TOP2A: variants seen among roughly 807,000 people sequenced by gnomAD.
TOP2A encodes the protein DNA topoisomerase 2-alpha.
TOP2A carries 68 observed loss-of-function variants against 187.2 expected under a neutral mutation model. The observed-to-expected ratio is 0.36, with a 90% CI of 0.30 to 0.44. TOP2A has a LOEUF of 0.44. TOP2A is among the 20% of genes least tolerant of loss of function. TOP2A has a pLI of 1.00. For synonymous variants in TOP2A, 542 were observed against 593.2 expected, an observed-to-expected ratio of 0.91 and a Z score of 1.25; for missense variants, 1,196 against 1,808.7, an observed-to-expected ratio of 0.66 and a Z score of 6.14.
chr17:40,395,364 T>C (rs1350916810), intron 29 of TOP2A, 85 bp downstream of exon 29: 6 of 757,266 alleles, frequency 7.9e-6, no homozygotes, highest in Non-Finnish European at 8.2e-6. Flanking sequence ...AACAAAAAGG[T>C]TTTGAACATC....
At chr17:40,410,319 C>G (rs949166972) in intron 10 of TOP2A, among the ~76,000 whole-genome samples, 1 of 152,072 alleles carries the variant, frequency 6.6e-6, no homozygotes, top group Non-Finnish European at 1.5e-5. Context: ...GGGAAGAGCA[C>G]TGTGCTTTTC....
chr17:40,411,925 G>A lies in TOP2A; in HGVS notation c.790-107C>T. 1 of 922,786 alleles carries A rather than the reference G, an allele frequency of 1.1e-6. No individual in the cohort carries two copies. Among genetic ancestry groups the A allele is most frequent in the Non-Finnish European group, 1.6e-6 (1 of 635,178 alleles). 57.2% of individuals were successfully genotyped at this position (922,786 alleles called of 1,614,324 possible). On this transcript the variant is annotated intron_variant, in intron 7 of 34. Transcript: ENST00000423485. The surrounding 1 kb of genome is among the most constrained non-coding windows in gnomAD (Gnocchi z 4.4). The stretch of plus-strand genomic sequence containing the variant: ...CCAATGCAATGATGTTCACTGATAG[G>A]CATAAGGGAATGGTCATTAAAGGAC...
At chr17:40,398,493 G>GTA (rs2035131391) in intron 27 of TOP2A, 65 bp downstream of exon 27, 2 of 1,342,084 alleles carry the variant, frequency 1.5e-6, no homozygotes, top group Non-Finnish European at 2.0e-6. Context: ...CTTGACAAAG[G>GTA]TATACTGCTG....
chr17:40,412,985 G>A lies in TOP2A; in HGVS notation c.577-14C>T. On this transcript the variant is annotated splice_polypyrimidine_tract_variant and intron_variant, in intron 6 of 34. Coordinates refer to ENST00000423485, the MANE Select transcript of TOP2A (RefSeq NM_001067.4). ...ATCCATCCATGTCTATGGAAGTAAA[G>A]AATAGGAAACATGAAAAATTCAAGT... The A allele has an allele frequency of 6.3e-7, 1 of 1,591,572 alleles. No individual in the cohort carries two copies. The highest frequency in any genetic ancestry group is 2.2e-5 in the East Asian group (1 of 44,676).
intron 16 of TOP2A, 70 bp downstream of exon 16, chr17:40,406,314 T>C: frequency 2.6e-6 from 3 of 1,133,918 alleles, no homozygotes; most frequent in Non-Finnish European, 3.7e-6. Context: ...TACAAAAATG[T>C]AAATGTTTCA....
At position 40,404,470 on chromosome 17, in the gene TOP2A, T is replaced by C. The variant is rs777799472; in HGVS notation, c.2068A>G (p.Thr690Ala). Reference protein sequence around the residue: ...LPEDYLYGQTTTYLTYNDFIN... With the variant: ...LPEDYLYGQTATYLTYNDFIN... ...AAGTCATTATATGTCAGATATGTGG[T>C]AGTTTGTCCATACAAGTAATCCTGA... The change falls in exon 18 of 35, where the codon ACC (threonine) becomes GCC (alanine). Residue 690 changes from threonine (T) to alanine (A), a missense_variant. This residue lies in a region of TOP2A where 209 missense variants were observed against 376.9 expected (regional missense o/e 0.55). Coordinates refer to ENST00000423485, the MANE Select transcript of TOP2A (RefSeq NM_001067.4). 1.2e-5 allele frequency: 20 copies of C among 1,607,410 alleles called. No individual in the cohort carries two copies. Among genetic ancestry groups the C allele is most frequent in the African/African-American group, 4.0e-5 (3 of 74,720 alleles).
In TOP2A at chr17:40,404,464, A is replaced by T. The variant is rs1329483854; in HGVS notation, c.2074T>A (p.Tyr692Asn). 6.2e-6 allele frequency: 10 copies of T among 1,609,570 alleles called. No homozygotes were observed. Among genetic ancestry groups the T allele is most frequent in the Non-Finnish European group, 8.5e-6 (10 of 1,176,532 alleles). Residue 692 changes from tyrosine (Y) to asparagine (N), a missense_variant, in exon 18 of 35, where the codon TAT (tyrosine) becomes AAT (asparagine). Transcript: ENST00000423485. ...EDYLYGQTTT[Y>N]LTYNDFINKE... ...TTGATGAAGTCATTATATGTCAGAT[A>T]TGTGGTAGTTTGTCCATACAAGTAA...
At position 40,391,622 on chromosome 17, in the gene TOP2A, ACAT is replaced by A. The variant is rs746595377; in HGVS notation, c.4148_4150del (p.Asp1383del). The A allele has an allele frequency of 1.2e-6, 2 of 1,602,804 alleles. No individual in the cohort carries two copies. Among genetic ancestry groups the A allele is most frequent in the South Asian group, 1.1e-5 (1 of 88,318 alleles). ...TGAAGACAGTGGTACACTGCCCTTA[ACAT>A]CATCAGCTTCAAGGTCTATTATTTC... On this transcript the variant is annotated inframe_deletion, in exon 33 of 35. Transcript: ENST00000423485.
intron 1 of TOP2A, 44 bp downstream of exon 1, chr17:40,417,727 G>T (rs942479133): frequency 1.9e-6 from 3 of 1,611,008 alleles, no homozygotes; most frequent in African/African-American, 2.7e-5. Context: ...GAGATGCCCG[G>T]GCCGCGCGGA....
chr17:40,413,168 T>C (rs2035344931), intron 6 of TOP2A, 27 bp downstream of exon 6: 1 of 1,485,904 alleles, frequency 6.7e-7, no homozygotes, highest in African/African-American at 1.4e-5. Context: ...CATTTATCAT[T>C]AAGGTACAAG....
chr17:40,413,444 TA>T, intron 5 of TOP2A, 35 bp downstream of exon 5: 12 of 1,470,522 alleles, frequency 8.2e-6, no homozygotes, highest in Non-Finnish European at 1.1e-5. Flanking sequence ...TATATATTTT[TA>T]GCAACAAATA....
chr17:40,388,644 T>C lies in TOP2A; in HGVS notation c.*875A>G. 1 of 186,348 alleles carries C rather than the reference T, an allele frequency of 5.4e-6. No individual in the cohort carries two copies. The highest frequency in any genetic ancestry group is 1.1e-5 in the Non-Finnish European group (1 of 88,092). The allele number at this position is 186,348 out of a possible 1,614,324, so 11.5% of individuals were successfully genotyped here. ...TACTCAAGTCACACACATATAACAA[T>C]GTAGACAGGTCTTAACAAAGTTTAC... On this transcript the variant is annotated 3_prime_UTR_variant, in exon 35 of 35. Transcript: ENST00000423485.
At chr17:40,391,453 G>A in intron 33 of TOP2A, 53 bp downstream of exon 33, 1 of 1,530,888 alleles carries the variant, frequency 6.5e-7, no homozygotes, top group Non-Finnish European at 8.8e-7. Flanking sequence ...ATAGACACGT[G>A]GAAACCAGTT....
rs1419834274 is a variant in TOP2A at position 40,408,119 on chromosome 17, G to A, written c.1348C>T (p.Arg450Ter). ...KLDDANDAGG[R>*]NSTECTLILT... ...ATAAGCGTACACTCAGTGGAGTTTCGGCCCCCTAAAATAAAAATATACATA... is the reference window on the plus strand; with the variant it reads ...ATAAGCGTACACTCAGTGGAGTTTCAGCCCCCTAAAATAAAAATATACATA... Residue 450 changes from arginine (R) to a stop codon, truncating the protein, a stop_gained, in exon 12 of 35, where the codon CGA (arginine) becomes TGA (stop). Transcript: ENST00000423485. LOFTEE classifies it high-confidence loss of function. The A allele has an allele frequency of 3.8e-6, 6 of 1,590,710 alleles. No homozygotes were observed. Among genetic ancestry groups the A allele is most frequent in the Admixed American group, 1.8e-5 (1 of 54,278 alleles).
At position 40,400,633 on chromosome 17, in the gene TOP2A, T is replaced by A; in HGVS notation, c.2695A>T (p.Ile899Phe). The A allele has an allele frequency of 6.2e-7, 1 of 1,606,000 alleles. No homozygotes were observed. Among genetic ancestry groups the A allele is most frequent in the Non-Finnish European group, 8.5e-7 (1 of 1,177,300 alleles). The change falls in exon 22 of 35, where the codon ATT becomes TTT. Residue 899 changes from isoleucine (I) to phenylalanine (F), a missense_variant. Ile to Phe is a conservative substitution (Grantham distance 21, BLOSUM62 0). Around this residue, in one of 10 missense-constraint regions of TOP2A, gnomAD observed 232 missense variants for 306.1 expected, o/e 0.76. Transcript: ENST00000423485. ...LPSYKNFKGTIEELAPNQYVI... is the reference protein window; with the variant it reads ...LPSYKNFKGTFEELAPNQYVI... ...TATTGATTTGGAGCCAGTTCTTCAA[T>A]AGTACCCTTGAAGTTCTTGTAACTT...
At position 40,400,867 on chromosome 17, in the gene TOP2A, C is replaced by T; in HGVS notation, c.2647G>A (p.Glu883Lys). ...ATACTTACCATTGGCAAAGGTTCTT[C>T]TCCATCCATCAAACGCCTGATGTTA... Reference protein sequence around the residue: ...VNNIRRLMDGEEPLPMLPSYK... With the variant: ...VNNIRRLMDGKEPLPMLPSYK... Residue 883 changes from glutamate to lysine, a missense_variant, in exon 21 of 35, where the codon GAA becomes AAA. Glu to Lys is a moderately conservative substitution (Grantham distance 56, BLOSUM62 1). Coordinates refer to ENST00000423485, the MANE Select transcript of TOP2A (RefSeq NM_001067.4). 6.2e-7 allele frequency: 1 copy of T among 1,614,004 alleles called. No homozygotes were observed.
At chr17:40,404,979 A>C in intron 16 of TOP2A, 96 bp from the exon 17 acceptor site, 1 of 763,492 alleles carries the variant, frequency 1.3e-6, no homozygotes, top group Non-Finnish European at 2.1e-6. Flanking sequence ...AAAAACAAAA[A>C]TACTGTTTTC....
chr17:40,407,416 A>G (rs2035263304), intron 13 of TOP2A, 133 bp downstream of exon 13: 2 of 700,854 alleles, frequency 2.9e-6, no homozygotes, highest in Admixed American at 3.6e-5. Flanking sequence ...AGCATATCTG[A>G]TTAGATGTTG....
rs2143697394 is a variant in TOP2A at position 40,416,914 on chromosome 17, G to A, written c.22-19C>T. ...TTACAGGCTAGCAATTAAAAAAAAA[G>A]AGAGAAAGAAGGGAATTTTTAATCA... On this transcript the variant is annotated intron_variant, in intron 1 of 34. Transcript: ENST00000423485. The A allele has an allele frequency of 6.4e-7, 1 of 1,561,890 alleles. No homozygotes were observed. The highest frequency in any genetic ancestry group is 8.6e-7 in the Non-Finnish European group (1 of 1,156,940).
Sources: gnomAD v4.1 joint callset for allele counts (sites outside exome capture counted in the v4.1 genomes callset) on GRCh38, gnomAD v4.1.1 for gene constraint, gnomAD v4.1.1 regional missense constraint, Gnocchi (gnomAD v3.1) non-coding constraint, MANE v1.5 for transcripts, NCBI Gene and HGNC (gene_info 2026-07-23, HGNC 2026-07-21) for gene names.